The following TMPRSS15 variants were observed in gnomAD, a reference collection of about 807,000 sequenced individuals.
The protein encoded by TMPRSS15 is enteropeptidase.
Under a neutral mutation model 125.3 loss-of-function variants are expected in TMPRSS15, and 128 were observed. The observed-to-expected ratio is 1.02, with a 90% CI of 0.89 to 1.18. The LOEUF (loss-of-function observed/expected upper bound fraction) is 1.18. TMPRSS15 is among the 50% of genes most tolerant of loss of function. TMPRSS15 has a pLI of 0.00. For missense variants in TMPRSS15, 1,283 were observed against 1,212.7 expected (o/e 1.06, Z -0.86); for synonymous variants, 446 against 423.2 (o/e 1.05, Z -0.66).
chr21:18,280,575 C>CAAAAAAAAAAAAAAAA (rs1230513414), intron 22 of TMPRSS15, among the ~76,000 whole-genome samples: 94 of 48,226 alleles, frequency 1.9e-3, no homozygotes, highest in Non-Finnish European at 2.5e-3. Flanking sequence ...GACTCCGTCT[C>CAAAAAAAAAAAAAAAA]AAAAAAAAAA....
At chr21:18,291,956 C>A (rs1416586235) in intron 21 of TMPRSS15, among the ~76,000 whole-genome samples, 2 of 152,090 alleles carry the variant, frequency 1.3e-5, no homozygotes, top group Non-Finnish European at 2.9e-5. Flanking sequence ...TAAGTTCAGC[C>A]CCATCTTGAG....
chr21:18,361,645 A>T lies in TMPRSS15; in HGVS notation c.774-1782T>A, dbSNP rs528287845. On this transcript the variant is annotated intron_variant, in intron 7 of 24. Transcript: ENST00000284885. ...GTTAATTTTTGAAAGTCTAAAAGTC[A>T]TTGTTGAGAACTGTTCATTTGTGGC... 1.2e-4 allele frequency among the ~76,000 whole-genome samples: 19 copies of T among 152,278 alleles called. 1 individual carries two copies. In the South Asian group the frequency reaches 3.9e-3, roughly 32 times the overall value.
chr21:18,459,526 A>T (rs1978511915), intron 1 of TMPRSS15, among the ~76,000 whole-genome samples: 1 of 152,118 alleles, frequency 6.6e-6, no homozygotes, highest in Non-Finnish European at 1.5e-5. Flanking sequence ...CACCTGCCTC[A>T]TCCTCCCAAA....
At chr21:18,327,319 A>G (rs970769397) in intron 15 of TMPRSS15, among the ~76,000 whole-genome samples, 6 of 152,178 alleles carry the variant, frequency 3.9e-5, no homozygotes, top group African/African-American at 1.4e-4. Flanking sequence ...AGAACTCTGA[A>G]GTTTTTATTT....
intron 1 of TMPRSS15, among the ~76,000 whole-genome samples, chr21:18,425,208 C>G (rs1445247920): frequency 6.6e-6 from 1 of 151,940 alleles, no homozygotes; most frequent in African/African-American, 2.4e-5. Flanking sequence ...CAACAGAAAA[C>G]TATTCTTATG....
intron 18 of TMPRSS15, among the ~76,000 whole-genome samples, chr21:18,308,598 CTT>C (rs33940921): frequency 0.41 from 60,817 of 148,502 alleles, 13,024 homozygotes; most frequent in African/African-American, 0.54. Context: ...TACACTGAGA[CTT>C]TTTTTTTTTT....
In TMPRSS15 at chr21:18,365,204, A is replaced by G; in HGVS notation, c.709T>C (p.Ser237Pro). The G allele has an allele frequency of 6.2e-7, 1 of 1,614,102 alleles. No individual in the cohort carries two copies. Among genetic ancestry groups the G allele is most frequent in the Non-Finnish European group, 8.5e-7 (1 of 1,180,012 alleles). Residue 237 changes from serine to proline, a missense_variant, in exon 7 of 25, where the codon TCT (serine) becomes CCT (proline). Ser to Pro is a moderately conservative substitution (Grantham distance 74). Coordinates refer to ENST00000284885, the MANE Select transcript of TMPRSS15 (RefSeq NM_002772.3). ...GRFLLTGSSGSFQATHYPKPS... is the reference protein window; with the variant it reads ...GRFLLTGSSGPFQATHYPKPS... ...TTTGGATAATGAGTAGCCTGGAAAG[A>G]CCCAGATGATCCAGTTAACAAAAAT...
At chr21:18,319,938 T>G (rs2075217171) in intron 16 of TMPRSS15, among the ~76,000 whole-genome samples, 1 of 152,350 alleles carries the variant, frequency 6.6e-6, no homozygotes, top group East Asian at 1.9e-4. Context: ...CAAGAAAATA[T>G]TTTTAGAAAG....
intron 14 of TMPRSS15, 87 bp downstream of exon 14, chr21:18,331,997 A>C: frequency 8.2e-7 from 1 of 1,222,342 alleles, no homozygotes; most frequent in South Asian, 1.2e-5. Flanking sequence ...TGTTTGACAA[A>C]TTTATAATCT....
chr21:18,379,677 C>T (rs912984026), intron 4 of TMPRSS15, among the ~76,000 whole-genome samples: 13 of 151,974 alleles, frequency 8.6e-5, no homozygotes, highest in Admixed American at 3.9e-4. Context: ...GAAAGAGAAG[C>T]GTGGGATATG....
intron 1 of TMPRSS15, among the ~76,000 whole-genome samples, chr21:18,453,469 T>A (rs1044176790): frequency 1.3e-5 from 2 of 152,246 alleles, no homozygotes; most frequent in Non-Finnish European, 2.9e-5. Flanking sequence ...TGCCTGATTA[T>A]GGAAGCTGGC....
intron 1 of TMPRSS15, among the ~76,000 whole-genome samples, chr21:18,472,383 A>G (rs1978797138): frequency 1.3e-5 from 2 of 151,564 alleles, no homozygotes; most frequent in Admixed American, 1.3e-4. Context: ...CAATTCAGGT[A>G]GCCAATTATT....
At chr21:18,370,223 T>C (rs910011733) in intron 6 of TMPRSS15, among the ~76,000 whole-genome samples, 12 of 152,132 alleles carry the variant, frequency 7.9e-5, no homozygotes, top group African/African-American at 2.4e-4. Flanking sequence ...TAAAACTTAT[T>C]TTAGGACAAA....
Position 18,398,247 on chromosome 21 carries a change from G to T in TMPRSS15, c.228C>A (p.Asp76Glu). 2 of 1,613,784 alleles carry T rather than the reference G, an allele frequency of 1.2e-6. No individual in the cohort carries two copies. The highest frequency in any genetic ancestry group is 1.7e-6 in the Non-Finnish European group (2 of 1,179,750). ...GAACTTTGAAATCCACTGAGAGTTT[G>T]TCTTGCAAATTAGGATTATATGTAA... is the stretch of plus-strand genomic sequence containing the variant. The part of the protein sequence containing the change: ...SGVTYNPNLQ[D>E]KLSVDFKVLA... The change falls in exon 2 of 25, where the codon GAC (aspartate) becomes GAA (glutamate). Residue 76 changes from aspartate (D) to glutamate (E), a missense_variant. By Grantham distance (45) the Asp-to-Glu change is conservative. Coordinates refer to ENST00000284885, the MANE Select transcript of TMPRSS15 (RefSeq NM_002772.3).
intron 3 of TMPRSS15, among the ~76,000 whole-genome samples, chr21:18,387,612 T>TACACACACACACAC (rs57708622): frequency 6.9e-6 from 1 of 145,146 alleles, no homozygotes. Flanking sequence ...CACACACACA[T>TACACACACACACAC]ACACACACAC....
chr21:18,458,750 A>G (rs1978490792), intron 1 of TMPRSS15, among the ~76,000 whole-genome samples: 2 of 152,288 alleles, frequency 1.3e-5, no homozygotes, highest in South Asian at 4.1e-4. Flanking sequence ...CTCAACCCTA[A>G]CAGACCCATG....
intron 1 of TMPRSS15, among the ~76,000 whole-genome samples, chr21:18,458,928 C>A (rs148476950): frequency 2.7e-4 from 41 of 152,064 alleles, no homozygotes; most frequent in African/African-American, 9.6e-4. Flanking sequence ...TAAAATTTAT[C>A]TTTTTTATTT....
intron 1 of TMPRSS15, among the ~76,000 whole-genome samples, chr21:18,470,821 A>G (rs1423799067): frequency 6.6e-6 from 1 of 152,060 alleles, no homozygotes; most frequent in Non-Finnish European, 1.5e-5. Flanking sequence ...CTCAAAATAT[A>G]GTATAAAAAA....
chr21:18,378,163 AT>A (rs1223968304), intron 5 of TMPRSS15, among the ~76,000 whole-genome samples: 1 of 152,124 alleles, frequency 6.6e-6, no homozygotes, highest in East Asian at 1.9e-4. Flanking sequence ...TTCAAAATAT[AT>A]TTAGCTTACT....
Sources: allele counts gnomAD v4.1 joint callset (sites outside exome capture counted in the v4.1 genomes callset), GRCh38; gene constraint gnomAD v4.1.1; transcripts MANE v1.5; gene names NCBI Gene and HGNC (gene_info 2026-07-23, HGNC 2026-07-21).